The following AOX1 variants were observed in gnomAD, a reference collection of about 807,000 sequenced individuals.
The protein encoded by AOX1 is aldehyde oxidase 1, also known as aldehyde oxidase.
Under a neutral mutation model 169.5 loss-of-function variants are expected in AOX1, and 153 were observed. That is an observed-to-expected ratio of 0.90 (90% CI 0.79 to 1.03). The LOEUF (loss-of-function observed/expected upper bound fraction) is 1.03. Among genes scored for constraint, AOX1 ranks in the 50% least tolerant of loss-of-function variants. The pLI, the probability that AOX1 is intolerant of heterozygous loss-of-function variation, is 0.00. For synonymous variants in AOX1, 562 were observed against 581.9 expected (o/e 0.97, Z 0.49); for missense variants, 1,656 against 1,663.9 (o/e 1.00, Z 0.08).
At chr2:200,657,190 A>ATATATATATATATT in intron 27 of AOX1, among the ~76,000 whole-genome samples, 19 of 62,872 alleles carry the variant, frequency 3.0e-4, no homozygotes, top group African/African-American at 4.7e-4. Flanking sequence ...ATATATATAT[A>ATATATATATATATT]TTTTTTTTTT....
rs530934305 is a variant in AOX1, at chr2:200,656,738, C to G, written c.3076-104C>G. 1.7e-3 allele frequency: 1,418 copies of G among 836,122 alleles called. 5 individuals carry two copies. Among genetic ancestry groups the G allele is most frequent in the Non-Finnish European group, 1.9e-3 (1,081 of 575,856 alleles). The allele number at this position is 836,122 out of a possible 1,614,324, so 51.8% of individuals were successfully genotyped here. ...AAATGTTGCTCCACCCTGGGGGGTG[C>G]GGGATTCTTGGAGGGAAATATTTCC... On this transcript the variant is annotated intron_variant, in intron 26 of 34. Coordinates refer to ENST00000374700, the MANE Select transcript of AOX1 (RefSeq NM_001159.4).
In AOX1 at chr2:200,668,797, A is replaced by G. The variant is rs78467837; in HGVS notation, c.3792A>G (p.Ser1264=). Residue 1264 remains serine (S), a synonymous_variant, in exon 33 of 35, where the codon TCA becomes TCG. Coordinates refer to ENST00000374700, the MANE Select transcript of AOX1 (RefSeq NM_001159.4). ...PPSQNSNTLY[S]SKGLGESGVF... ...CTCAAAACTCAAATACTCTTTATTC[A>G]TCTAAGGTAAGTAATGTTCTATGGG... 1.9e-3 allele frequency: 3,023 copies of G among 1,613,818 alleles called. 49 individuals carry two copies. The African/African-American group carries it at 0.034, about 18-fold the overall frequency.
At chr2:200,674,209 G>A (rs530513223), downstream of AOX1, among the ~76,000 whole-genome samples, 1 of 152,206 alleles carries the variant, frequency 6.6e-6, no homozygotes, top group Non-Finnish European at 1.5e-5. Context: ...AAAAGACAGA[G>A]CTGGGTTCAC....
At chr2:200,635,042 C>A (rs2035203010) in intron 21 of AOX1, 127 bp downstream of exon 21, 1 of 1,131,164 alleles carries the variant, frequency 8.8e-7, no homozygotes, top group Non-Finnish European at 1.3e-6. Context: ...AACCCAGGAG[C>A]TCAAGGCTTC....
intron 27 of AOX1, 77 bp downstream of exon 27, chr2:200,657,014 A>G: frequency 1.0e-6 from 1 of 969,802 alleles, no homozygotes. Context: ...ATGAATGGAT[A>G]TTTTCTGTTA....
intron 21 of AOX1, among the ~76,000 whole-genome samples, chr2:200,636,159 C>T (rs1176333597): frequency 1.8e-5 from 2 of 112,844 alleles, no homozygotes; most frequent in Middle Eastern, 0.01. Context: ...GACAGAGTCT[C>T]GCTTGGTCAC....
At position 200,609,139 on chromosome 2, in the gene AOX1, T is replaced by C. The variant is rs780957516; in HGVS notation, c.1059+4T>C. The C allele has an allele frequency of 1.9e-6, 3 of 1,613,650 alleles. No homozygotes were observed. The highest frequency in any genetic ancestry group is 2.5e-6 in the Non-Finnish European group (3 of 1,179,912). On this transcript the variant is annotated splice_donor_region_variant and intron_variant, in intron 11 of 34. Transcript: ENST00000374700. ...GTCCCAGATCAGGAACATGGCTGTA[T>C]GTATCTGATGACAGTAAACTCTGGT...
intron 25 of AOX1, among the ~76,000 whole-genome samples, chr2:200,645,480 G>A (rs1252684691): frequency 2.0e-5 from 3 of 152,056 alleles, no homozygotes; most frequent in Admixed American, 6.6e-5. Context: ...CTAGTATTTT[G>A]TTAAAGATTT....
intron 7 of AOX1, 36 bp from the exon 8 acceptor site, chr2:200,603,981 T>G: frequency 7.2e-7 from 1 of 1,386,044 alleles, no homozygotes; most frequent in Non-Finnish European, 1.0e-6. Context: ...TTAAAGTTGC[T>G]CGATAACAGT....
intron 12 of AOX1, among the ~76,000 whole-genome samples, chr2:200,610,219 G>A (rs2034606830): frequency 6.6e-6 from 1 of 152,062 alleles, no homozygotes; most frequent in Non-Finnish European, 1.5e-5. Context: ...CTGCAGGCAT[G>A]TGCCACCATG....
At chr2:200,611,243 AG>A in intron 12 of AOX1, 140 bp from the exon 13 acceptor site, 1 of 661,160 alleles carries the variant, frequency 1.5e-6, no homozygotes. Flanking sequence ...ATAGGGTAAA[AG>A]ATTTGCGAAG....
At chr2:200,613,682 C>A in intron 14 of AOX1, 122 bp from the exon 15 acceptor site, 1 of 988,124 alleles carries the variant, frequency 1.0e-6, no homozygotes, top group Non-Finnish European at 1.4e-6. Flanking sequence ...CTCGGGCTGC[C>A]TGATCCAGAG....
chr2:200,599,151 A>T (rs2106369524), intron 4 of AOX1, among the ~76,000 whole-genome samples: 1 of 152,368 alleles, frequency 6.6e-6, no homozygotes, highest in South Asian at 2.1e-4. Flanking sequence ...TAAAAGAAAT[A>T]AAAGCATTTT....
chr2:200,639,614 G>T (rs546068799), intron 23 of AOX1, among the ~76,000 whole-genome samples: 8 of 152,200 alleles, frequency 5.3e-5, no homozygotes, highest in African/African-American at 1.9e-4. Context: ...TCCTGAAGGA[G>T]ATTTTTTTTA....
chr2:200,671,958 T>C (rs1407624913), downstream of AOX1, among the ~76,000 whole-genome samples: 1 of 152,172 alleles, frequency 6.6e-6, no homozygotes, highest in East Asian at 1.9e-4. Context: ...AAGAGAGTTT[T>C]ATTTGGCCAT....
rs765273615 is a variant in AOX1 at position 200,669,768 on chromosome 2, T to G, written c.3966+26T>G. On this transcript the variant is annotated intron_variant, in intron 34 of 34. Transcript: ENST00000374700. ...GTACGTTTGCATGGTAGAAAAAAAATAGTGATCATAAAATTCTGAATTTTT... is the reference window on the plus strand; with the variant it reads ...GTACGTTTGCATGGTAGAAAAAAAAGAGTGATCATAAAATTCTGAATTTTT... 2.5e-6 allele frequency: 4 copies of G among 1,604,028 alleles called. No homozygotes were observed. In the East Asian group the frequency reaches 8.9e-5, roughly 36 times the overall value.
At position 200,609,327 on chromosome 2, in the gene AOX1, G is replaced by A. The variant is rs1398696052; in HGVS notation, c.1066G>A (p.Gly356Arg). 1.2e-6 allele frequency: 2 copies of A among 1,613,670 alleles called. No individual in the cohort carries two copies. Among genetic ancestry groups the A allele is most frequent in the Non-Finnish European group, 1.7e-6 (2 of 1,179,740 alleles). The change falls in exon 12 of 35, where the codon GGG (glycine) becomes AGG (arginine). Residue 356 changes from glycine (G) to arginine (R), a missense_variant. Coordinates refer to ENST00000374700, the MANE Select transcript of AOX1 (RefSeq NM_001159.4). The stretch of plus-strand genomic sequence containing the variant: ...AACTCATTATTTTTAAAAGTCTTTA[G>A]GGGGACACATCATTAGCAGGCATCC... ...GSQIRNMASL[G>R]GHIISRHPDS... is the part of the protein sequence containing the mutation.
In AOX1 at chr2:200,650,974, G is replaced by T. The variant is rs763630671; in HGVS notation, c.2848G>T (p.Val950Leu). 26 of 1,613,780 alleles carry T rather than the reference G, an allele frequency of 1.6e-5. 2 individuals carry two copies. The highest frequency in any genetic ancestry group is 4.5e-5 in the East Asian group (2 of 44,882). ...GCTTTAATCTCCTTTTCTTTCATAG[G>T]TGCGAATCATAAACATGTACAAGGA... is the stretch of plus-strand genomic sequence containing the variant. ...AAKCGLSPEK[V>L]RIINMYKEID... The change falls in exon 26 of 35, where the codon GTG becomes TTG. Residue 950 changes from valine (V) to leucine (L), a missense_variant and splice_region_variant. Transcript: ENST00000374700.
chr2:200,661,823 G>T (rs140482081), intron 30 of AOX1, among the ~76,000 whole-genome samples, 192 bp downstream of exon 30: 3 of 152,260 alleles, frequency 2.0e-5, no homozygotes, highest in African/African-American at 7.2e-5. Context: ...TATCCAGAAA[G>T]ACTTCTGTTA....
Sources: allele counts gnomAD v4.1 joint callset (sites outside exome capture counted in the v4.1 genomes callset), GRCh38; gene constraint gnomAD v4.1.1; transcripts MANE v1.5; gene names NCBI Gene and HGNC (gene_info 2026-07-23, HGNC 2026-07-21).